PTCHD4: variants seen among roughly 807,000 people sequenced by gnomAD.
PTCHD4 encodes the protein patched domain containing 4.
A neutral mutation model predicts 58.1 loss-of-function variants in PTCHD4; 33 were observed. The ratio of observed to expected loss-of-function variants is 0.57; its 90% CI spans 0.43 to 0.76. The LOEUF is 0.76. PTCHD4 is among the 30% of genes least tolerant of loss of function. The pLI is 0.00. For synonymous variants in PTCHD4, 478 were observed against 409.6 expected, an observed-to-expected ratio of 1.17 and a Z score of -2.02; for missense variants, 1,058 against 1,027.1, an observed-to-expected ratio of 1.03 and a Z score of -0.41.
Position 47,858,816 on chromosome 6 carries a change from C to T in PTCHD4, c.*19487G>A, listed in dbSNP as rs1364414541. Among the ~76,000 whole-genome samples the T allele has an allele frequency of 6.6e-6, 1 of 151,990 alleles. No individual in the cohort carries two copies. The highest frequency in any genetic ancestry group is 1.5e-5 in the Non-Finnish European group (1 of 67,962). ...ATTTCTATCAGAAAGGAAAACAATA[C>T]AGCAAATGTCACATTTGTACAGAAT... On this transcript the variant is annotated 3_prime_UTR_variant, in exon 5 of 5. Coordinates refer to ENST00000339488, the MANE Select transcript of PTCHD4 (RefSeq NM_001384253.1).
intron 1 of PTCHD4, among the ~76,000 whole-genome samples, chr6:48,106,300 C>G (rs1409650347): frequency 6.6e-6 from 1 of 152,058 alleles, no homozygotes; most frequent in Non-Finnish European, 1.5e-5. Context: ...GTTCAACATA[C>G]GAAAATCAAT....
intron 4 of PTCHD4, among the ~76,000 whole-genome samples, chr6:48,001,867 A>G (rs541950080): frequency 6.6e-6 from 1 of 152,370 alleles, no homozygotes; most frequent in South Asian, 2.1e-4. Flanking sequence ...TCATCTGCCA[A>G]AGGGCTAATA....
chr6:48,047,714 GC>G (rs1434525452), intron 3 of PTCHD4, among the ~76,000 whole-genome samples: 2 of 151,740 alleles, frequency 1.3e-5, no homozygotes, highest in Admixed American at 6.6e-5. Flanking sequence ...TTATTAAAGA[GC>G]CCCAGAAGGC....
chr6:47,897,800 G>A (rs1764568490), intron 4 of PTCHD4, among the ~76,000 whole-genome samples: 1 of 151,926 alleles, frequency 6.6e-6, no homozygotes, highest in African/African-American at 2.4e-5. Flanking sequence ...TTGAGATGAT[G>A]GATTGCCACA....
chr6:47,900,290 A>T (rs981511781), intron 4 of PTCHD4: 1 of 152,156 alleles, frequency 6.6e-6, no homozygotes, highest in African/African-American at 2.4e-5. Flanking sequence ...AATACTTGTT[A>T]TTGCCTTACT....
intron 3 of PTCHD4, among the ~76,000 whole-genome samples, chr6:48,028,143 T>C (rs1403742399): frequency 6.6e-6 from 1 of 151,986 alleles, no homozygotes; most frequent in African/African-American, 2.4e-5. Flanking sequence ...GGGTTTCGCA[T>C]TGTTGGCCAG....
intron 4 of PTCHD4, among the ~76,000 whole-genome samples, chr6:47,902,473 C>T (rs1425436935): frequency 6.6e-6 from 1 of 152,100 alleles, no homozygotes; most frequent in East Asian, 1.9e-4. Context: ...TATAAAAGCT[C>T]AGGGAAATGC....
chr6:47,875,050 C>A lies in PTCHD4; in HGVS notation c.*3253G>T, dbSNP rs1205526589. Among the ~76,000 whole-genome samples, 1 of 151,764 alleles carries A rather than the reference C, an allele frequency of 6.6e-6. No individual in the cohort carries two copies. The highest frequency in any genetic ancestry group is 1.9e-4 in the East Asian group (1 of 5,150). Reference sequence around the variant, plus strand: ...TAAATTCTGATGGAAGGAAATAAATCCACATTCCAGTTTACATACAGAAAA... The same window carrying A: ...TAAATTCTGATGGAAGGAAATAAATACACATTCCAGTTTACATACAGAAAA... On this transcript the variant is annotated 3_prime_UTR_variant, in exon 5 of 5. Transcript: ENST00000339488.
intron 4 of PTCHD4, among the ~76,000 whole-genome samples, chr6:47,995,473 T>C (rs1768451172): frequency 6.6e-6 from 1 of 152,234 alleles, no homozygotes; most frequent in African/African-American, 2.4e-5. Context: ...AGAAGATACA[T>C]GTAAGCCCCT....
chr6:48,095,197 A>G (rs1470093835), intron 1 of PTCHD4, among the ~76,000 whole-genome samples: 1 of 152,244 alleles, frequency 6.6e-6, no homozygotes, highest in African/African-American at 2.4e-5. Flanking sequence ...GTATAATTTC[A>G]CATGTATACA....
At chr6:48,002,150 TAC>T (rs1258195299) in intron 4 of PTCHD4, among the ~76,000 whole-genome samples, 21 of 152,234 alleles carry the variant, frequency 1.4e-4, no homozygotes, top group African/African-American at 4.6e-4. Flanking sequence ...GGAATACTTT[TAC>T]ACTGTTGGTG....
At chr6:48,065,246 G>A (rs1454845482) in intron 3 of PTCHD4, among the ~76,000 whole-genome samples, 2 of 152,098 alleles carry the variant, frequency 1.3e-5, no homozygotes, top group Non-Finnish European at 2.9e-5. Context: ...TTAATGTCAA[G>A]TAATTGCCAA....
intron 1 of PTCHD4, among the ~76,000 whole-genome samples, chr6:48,092,645 T>C (rs1189501357): frequency 1.3e-5 from 2 of 152,176 alleles, no homozygotes; most frequent in East Asian, 3.9e-4. Flanking sequence ...TTTAGTTACT[T>C]AGGTAGCCAA....
rs925026101 is a variant in PTCHD4 at position 47,870,144 on chromosome 6, G to T, written c.*8159C>A. ...TCTTTTGTTGTTAAAATAAAAAGTT[G>T]AGATAGCCAGAAATGCTGTTTAACT... On this transcript the variant is annotated 3_prime_UTR_variant, in exon 5 of 5. Coordinates refer to ENST00000339488, the MANE Select transcript of PTCHD4 (RefSeq NM_001384253.1). 6.6e-6 allele frequency among the ~76,000 whole-genome samples: 1 copy of T among 151,618 alleles called. No homozygotes were observed. Among genetic ancestry groups the T allele is most frequent in the Non-Finnish European group, 1.5e-5 (1 of 67,736 alleles).
intron 3 of PTCHD4, among the ~76,000 whole-genome samples, chr6:48,054,479 T>C (rs888521930): frequency 2.0e-5 from 3 of 152,188 alleles, no homozygotes; most frequent in African/African-American, 4.8e-5. Flanking sequence ...TTTAAACTTA[T>C]GAAAGCAACA....
In PTCHD4 at chr6:47,870,314, T is replaced by G. The variant is rs1207004973; in HGVS notation, c.*7989A>C. The stretch of plus-strand genomic sequence containing the variant: ...GCAGATAAATTATGAGCAATTTAAC[T>G]AAAATTATTGTATTTCAGTGTGTCC... On this transcript the variant is annotated 3_prime_UTR_variant, in exon 5 of 5. Coordinates refer to ENST00000339488, the MANE Select transcript of PTCHD4 (RefSeq NM_001384253.1). Among the ~76,000 whole-genome samples, 2 of 151,660 alleles carry G rather than the reference T, an allele frequency of 1.3e-5. No individual in the cohort carries two copies. Among genetic ancestry groups the G allele is most frequent in the Non-Finnish European group, 3.0e-5 (2 of 67,718 alleles).
intron 4 of PTCHD4, among the ~76,000 whole-genome samples, chr6:47,902,321 T>C (rs1328986): frequency 0.63 from 95,469 of 152,030 alleles, 30,853 homozygotes; most frequent in East Asian, 0.78. Flanking sequence ...GAGCTTACAG[T>C]CTCACTGGGT....
intron 3 of PTCHD4, among the ~76,000 whole-genome samples, chr6:48,063,474 G>A (rs1041431298): frequency 1.3e-5 from 2 of 152,148 alleles, no homozygotes; most frequent in African/African-American, 4.8e-5. Context: ...AATGATGGAG[G>A]ATGTCATGGG....
At chr6:47,943,927 T>C (rs1458368509) in intron 4 of PTCHD4, among the ~76,000 whole-genome samples, 2 of 152,052 alleles carry the variant, frequency 1.3e-5, no homozygotes, top group African/African-American at 4.8e-5. Context: ...ATATTTTCTA[T>C]AAATTTCTTT....
Sources: allele counts gnomAD v4.1 joint callset (sites outside exome capture counted in the v4.1 genomes callset), GRCh38; gene constraint gnomAD v4.1.1; transcripts MANE v1.5; gene names NCBI Gene and HGNC (gene_info 2026-07-23, HGNC 2026-07-21).